The following MS4A18 variants were observed in gnomAD, a reference collection of about 807,000 sequenced individuals.
MS4A18 encodes membrane-spanning 4-domains subfamily A member 18.
Under a neutral mutation model 13.1 loss-of-function variants are expected in MS4A18, and 27 were observed. The observed-to-expected ratio is 2.06, with a 90% CI of 1.52 to 2.84. MS4A18 has a LOEUF of 2.84. Ranked by LOEUF, MS4A18 falls within the 30% of genes most tolerant of loss-of-function variation. MS4A18 has a pLI of 0.00. For missense variants in MS4A18, 307 were observed against 196.4 expected (o/e 1.56, Z -3.37); for synonymous variants, 126 against 76.5 (o/e 1.65, Z -3.38).
intron 4 of MS4A18, among the ~76,000 whole-genome samples, chr11:60,739,526 C>T (rs186890992): frequency 1.5e-3 from 230 of 152,264 alleles, no homozygotes; most frequent in Non-Finnish European, 2.4e-3. Flanking sequence ...GCACTATAAA[C>T]GTATTATCCG....
At chr11:60,743,845 A>G (rs1172654372) in exon 6 of MS4A18, 1 of 703,178 alleles carries the variant, frequency 1.4e-6, no homozygotes, top group Non-Finnish European at 2.6e-6. Flanking sequence ...TGTCAATGTT[A>G]CCACTGGTCC....
At position 60,729,347 on chromosome 11, in the gene MS4A18, TAC is replaced by T; in HGVS notation, c.33_34del (p.Pro12TrpfsTer7). 1.4e-6 allele frequency: 1 copy of T among 702,808 alleles called. No individual in the cohort carries two copies. Among genetic ancestry groups the T allele is most frequent in the East Asian group, 2.7e-5 (1 of 37,298 alleles). The allele number at this position is 702,808 out of a possible 1,614,324, so 43.5% of individuals were successfully genotyped here. On this transcript the variant is annotated frameshift_variant, in exon 1 of 6. Transcript: ENST00000529108. LOFTEE classifies it high-confidence loss of function. Reference sequence around the variant, plus strand: ...GAACAGGTGATTGGAGCCAACAGTGTACCTGGCATTATTGCCCCAGATAATGT... The same window carrying T: ...GAACAGGTGATTGGAGCCAACAGTGTCTGGCATTATTGCCCCAGATAATGT...
At chr11:60,742,565 G>C (rs543030086) in intron 5 of MS4A18, among the ~76,000 whole-genome samples, 33 of 152,298 alleles carry the variant, frequency 2.2e-4, no homozygotes, top group African/African-American at 6.7e-4. Context: ...AAGCATTTCT[G>C]TCTAGCTGAA....
At chr11:60,741,282 C>A (rs998739290) in intron 5 of MS4A18, 139 bp downstream of exon 6, 1 of 659,494 alleles carries the variant, frequency 1.5e-6, no homozygotes, top group African/African-American at 1.8e-5. Flanking sequence ...TAGCTACCTA[C>A]CCCAGAACTT....
chr11:60,727,164 AG>A (rs1465988151), upstream of MS4A18, among the ~76,000 whole-genome samples: 2 of 152,064 alleles, frequency 1.3e-5, no homozygotes, highest in African/African-American at 4.8e-5. Context: ...TCTATTGTTG[AG>A]GGGCATTTGG....
At chr11:60,739,269 G>A (rs902888943) in intron 4 of MS4A18, among the ~76,000 whole-genome samples, 8 of 152,054 alleles carry the variant, frequency 5.3e-5, no homozygotes, top group African/African-American at 1.9e-4. Flanking sequence ...GGTAGCAGGT[G>A]ACCAGGTAAG....
chr11:60,743,660 T>G (rs1232047019), exon 6 of MS4A18: 1 of 702,444 alleles, frequency 1.4e-6, no homozygotes, highest in East Asian at 2.7e-5. Flanking sequence ...AATGTGGCAG[T>G]GATTCCAACC....
exon 6 of MS4A18, chr11:60,743,797 A>G (rs758381901): frequency 1.1e-5 from 8 of 700,102 alleles, no homozygotes; most frequent in Non-Finnish European, 2.1e-5. Context: ...TCACCCTGTC[A>G]ACACCACCAC....
intron 1 of MS4A18, among the ~76,000 whole-genome samples, chr11:60,732,858 T>C (rs1285346304): frequency 6.6e-6 from 1 of 152,148 alleles, no homozygotes; most frequent in African/African-American, 2.4e-5. Flanking sequence ...CTTGCAAATA[T>C]GTAGCCTCTC....
intron 1 of MS4A18, among the ~76,000 whole-genome samples, chr11:60,731,872 G>A (rs1258625264): frequency 6.6e-6 from 1 of 152,178 alleles, no homozygotes; most frequent in Non-Finnish European, 1.5e-5. Context: ...TCAGCCTCAA[G>A]AGTGTGTTTA....
chr11:60,744,517 A>G (rs1484441275), downstream of MS4A18, among the ~76,000 whole-genome samples: 1 of 152,252 alleles, frequency 6.6e-6, no homozygotes, highest in African/African-American at 2.4e-5. Context: ...AAGGAAAAAA[A>G]TCAATAAGTT....
chr11:60,742,591 C>T (rs778760879), intron 5 of MS4A18, among the ~76,000 whole-genome samples: 1 of 152,204 alleles, frequency 6.6e-6, no homozygotes, highest in African/African-American at 2.4e-5. Flanking sequence ...CTAATAAGCA[C>T]TGATTAAGCC....
chr11:60,738,331 C>A (rs1226115104), intron 3 of MS4A18, among the ~76,000 whole-genome samples: 1 of 152,218 alleles, frequency 6.6e-6, no homozygotes, highest in Non-Finnish European at 1.5e-5. Flanking sequence ...CCAATCCTGC[C>A]AGGATGCTGG....
intron 2 of MS4A18, among the ~76,000 whole-genome samples, chr11:60,736,110 G>C (rs1853335710): frequency 6.6e-6 from 1 of 151,960 alleles, no homozygotes; most frequent in Non-Finnish European, 1.5e-5. Flanking sequence ...CATTTTGTTT[G>C]GGAAGAAGTG....
chr11:60,741,732 CTT>C (rs1853417484), intron 5 of MS4A18, among the ~76,000 whole-genome samples: 1 of 152,206 alleles, frequency 6.6e-6, no homozygotes, highest in South Asian at 2.1e-4. Flanking sequence ...CTACAACACT[CTT>C]TCCTCTGGCC....
intron 1 of MS4A18, among the ~76,000 whole-genome samples, 182 bp from the exon 3 acceptor site, chr11:60,733,352 T>G (rs7110582): frequency 0.035 from 5,290 of 152,286 alleles, 294 homozygotes; most frequent in African/African-American, 0.12. Flanking sequence ...CTGTGAAGTT[T>G]TTAAAAAAAC....
exon 1 of MS4A18, chr11:60,729,403 G>C (rs949033723): frequency 1.4e-6 from 1 of 702,656 alleles, no homozygotes; most frequent in African/African-American, 1.7e-5. Flanking sequence ...CAACCCTGTG[G>C]CCTCTGGAAA....
At chr11:60,733,750 C>A in intron 2 of MS4A18, 103 bp downstream of exon 3, 1 of 689,836 alleles carries the variant, frequency 1.4e-6, no homozygotes, top group Admixed American at 2.0e-5. Flanking sequence ...TAATATGACT[C>A]TGTAGACTAG....
chr11:60,735,617 G>T (rs1285667782), intron 2 of MS4A18, among the ~76,000 whole-genome samples: 2 of 145,362 alleles, frequency 1.4e-5, no homozygotes, highest in African/African-American at 2.6e-5. Flanking sequence ...GATTACAAGC[G>T]TGAGCCACGG....
Sources: gnomAD v4.1 joint callset for allele counts (sites outside exome capture counted in the v4.1 genomes callset) on GRCh38, gnomAD v4.1.1 for gene constraint, MANE v1.5 for transcripts, NCBI Gene and HGNC (gene_info 2026-07-23, HGNC 2026-07-21) for gene names.